TRAIP: variants seen among roughly 807,000 people sequenced by gnomAD.
TRAIP encodes the protein TRAF interacting protein.
Under a neutral mutation model 65.0 loss-of-function variants are expected in TRAIP, and 37 were observed. That is an observed-to-expected ratio of 0.57 (90% CI 0.44 to 0.75). TRAIP has a LOEUF of 0.75. Among genes scored for constraint, TRAIP ranks in the 30% least tolerant of loss-of-function variants. The pLI, the probability that TRAIP is intolerant of heterozygous loss-of-function variation, is 0.00. For missense variants in TRAIP, 481 were observed against 579.4 expected (o/e 0.83, Z 1.74); for synonymous variants, 187 against 219.1 (o/e 0.85, Z 1.29).
rs71080556 is a variant in TRAIP, at chr3:49,828,603, G to GT, written c.*499dup. On this transcript the variant is annotated 3_prime_UTR_variant, in exon 15 of 15. Transcript: ENST00000331456. ...CTCTCAGAACCAGGAAGAAGAGATT[G>GT]TTTTTTTTTTTTAATTTTATTTTAC... The GT allele has an allele frequency of 0.46, 68,696 of 150,474 alleles. 16,007 individuals carry two copies. Among genetic ancestry groups the GT allele is most frequent in the African/African-American group, 0.52 (20,989 of 40,622 alleles). 9.3% of individuals were successfully genotyped at this position (150,474 alleles called of 1,614,324 possible).
intron 10 of TRAIP, among the ~76,000 whole-genome samples, chr3:49,837,810 G>A (rs895529172): frequency 5.3e-5 from 8 of 151,846 alleles, no homozygotes; most frequent in African/African-American, 1.7e-4. Context: ...TCGAACTCCT[G>A]ACCTCAGGTG....
chr3:49,849,624 C>CA (rs899811318), intron 1 of TRAIP, among the ~76,000 whole-genome samples: 15 of 145,702 alleles, frequency 1.0e-4, no homozygotes, highest in South Asian at 8.7e-4. Flanking sequence ...GACTCCATCT[C>CA]AAAAAAAAAA....
At chr3:49,855,001 C>T (rs1290552700) in intron 1 of TRAIP, among the ~76,000 whole-genome samples, 1 of 152,028 alleles carries the variant, frequency 6.6e-6, no homozygotes, top group Admixed American at 6.5e-5. Flanking sequence ...GAGGTAGAGG[C>T]TGCAGTGAGC....
chr3:49,830,298 T>C (rs546465371), intron 11 of TRAIP, among the ~76,000 whole-genome samples: 26 of 152,250 alleles, frequency 1.7e-4, no homozygotes, highest in Admixed American at 8.5e-4. Context: ...GACTGGACCA[T>C]GTCCCAATCC....
At chr3:49,847,233 T>A (rs957354330) in intron 3 of TRAIP, among the ~76,000 whole-genome samples, 2 of 149,650 alleles carry the variant, frequency 1.3e-5, no homozygotes, top group Admixed American at 6.6e-5. Flanking sequence ...AATAAAAAAA[T>A]TAACCGAGCA....
intron 11 of TRAIP, among the ~76,000 whole-genome samples, chr3:49,830,740 G>T (rs2081723920): frequency 6.6e-6 from 1 of 152,170 alleles, no homozygotes; most frequent in African/African-American, 2.4e-5. Context: ...TTCCCTGGTG[G>T]GTGAGAAGAT....
chr3:49,836,385 G>A (rs2081786488), intron 10 of TRAIP, among the ~76,000 whole-genome samples: 1 of 151,966 alleles, frequency 6.6e-6, no homozygotes, highest in African/African-American at 2.4e-5. Flanking sequence ...CCAGCTACTG[G>A]GGAGGTTGAG....
rs778695510 is a variant in TRAIP at position 49,843,854 on chromosome 3, C to T, written c.355G>A (p.Val119Ile). 4 of 1,613,874 alleles carry T rather than the reference C, an allele frequency of 2.5e-6. No homozygotes were observed. The highest frequency in any genetic ancestry group is 2.2e-5 in the East Asian group (1 of 44,880). ...DTLEERNATV[V>I]SLQQALGKAE... Reference sequence around the variant, plus strand: ...TTGCCCAAGGCCTGCTGCAGAGATACCACAGTAGCATTGCGTTCTTCCAGC... The same window carrying T: ...TTGCCCAAGGCCTGCTGCAGAGATATCACAGTAGCATTGCGTTCTTCCAGC... Residue 119 changes from valine (V) to isoleucine (I), a missense_variant, in exon 5 of 15, where the codon GTA becomes ATA. Physicochemically the swap from Val to Ile is conservative, Grantham distance 29. Transcript: ENST00000331456.
At chr3:49,852,843 C>T (rs950173964) in intron 1 of TRAIP, among the ~76,000 whole-genome samples, 4 of 152,028 alleles carry the variant, frequency 2.6e-5, no homozygotes, top group South Asian at 2.1e-4. Flanking sequence ...GAAATTCGGC[C>T]AGGCACAATG....
At chr3:49,832,829 G>A (rs953062223) in intron 10 of TRAIP, among the ~76,000 whole-genome samples, 2 of 151,534 alleles carry the variant, frequency 1.3e-5, no homozygotes, top group Non-Finnish European at 2.9e-5. Context: ...GAGAACCCTG[G>A]GGAATGGCAA....
intron 10 of TRAIP, among the ~76,000 whole-genome samples, chr3:49,839,453 A>T (rs1300501811): frequency 6.6e-6 from 1 of 152,158 alleles, no homozygotes. Context: ...CAGTGGTTTC[A>T]TATTTGTTTC....
At chr3:49,847,269 C>T (rs1452330909) in intron 3 of TRAIP, among the ~76,000 whole-genome samples, 1 of 151,324 alleles carries the variant, frequency 6.6e-6, no homozygotes, top group African/African-American at 2.4e-5. Flanking sequence ...ACAGTCCTAG[C>T]TACTAGGTAG....
At position 49,840,115 on chromosome 3, in the gene TRAIP, A is replaced by G. The variant is rs551677111; in HGVS notation, c.795+169T>C. ...TGTCTGCCCTCTGTTGAGGAGGCCC[A>G]GGCTCCAGTCCGGACCAGGGCCAAG... On this transcript the variant is annotated intron_variant, in intron 9 of 14. Coordinates refer to ENST00000331456, the MANE Select transcript of TRAIP (RefSeq NM_005879.3). 7.5e-4 allele frequency among the ~76,000 whole-genome samples: 114 copies of G among 152,318 alleles called. 1 individual carries two copies. Among genetic ancestry groups the G allele is most frequent in the Non-Finnish European group, 8.1e-4 (55 of 68,024 alleles).
Position 49,844,563 on chromosome 3 carries a change from G to A in TRAIP, c.258C>T (p.Val86=), listed in dbSNP as rs1229641517. ...AEFLKNELDN[V]RAQLSQKDKE... ...CACCTTTCTGGGAAAGCTGGGCTCT[G>A]ACATTGTCCAGTTCATTCTGAAAGG... Residue 86 remains valine, a synonymous_variant, in exon 4 of 15, where the codon GTC becomes GTT. Coordinates refer to ENST00000331456, the MANE Select transcript of TRAIP (RefSeq NM_005879.3). The A allele has an allele frequency of 1.2e-6, 2 of 1,613,992 alleles. No individual in the cohort carries two copies. Among genetic ancestry groups the A allele is most frequent in the South Asian group, 2.2e-5 (2 of 91,042 alleles).
chr3:49,841,769 C>T lies in TRAIP; in HGVS notation c.617+57G>A, dbSNP rs939376. 6.0e-3 allele frequency: 8,583 copies of T among 1,422,202 alleles called. 364 individuals are homozygous for T. The African/African-American group carries it at 0.099, about 16-fold the overall frequency. The allele number at this position is 1,422,202 out of a possible 1,614,324, so 88.1% of individuals were successfully genotyped here. A position where few individuals can be genotyped will look rare whatever the true frequency, so the allele number is the denominator to read the frequency against. ...TTACAAGAGATGGGGAGCAATGACA[C>T]GGCTGGGGCCCCATGGCCTATCTCC... On this transcript the variant is annotated intron_variant, in intron 7 of 14. Transcript: ENST00000331456.
At chr3:49,834,793 A>G (rs777948976) in intron 10 of TRAIP, among the ~76,000 whole-genome samples, 4 of 152,234 alleles carry the variant, frequency 2.6e-5, no homozygotes, top group Non-Finnish European at 5.9e-5. Context: ...GAAAAAGTCC[A>G]TGGTGCACAA....
Position 49,856,400 on chromosome 3 carries a change from G to A in TRAIP, c.54C>T (p.Arg18=), listed in dbSNP as rs772808829. 1.9e-6 allele frequency: 3 copies of A among 1,614,182 alleles called. No homozygotes were observed. Among genetic ancestry groups the A allele is most frequent in the Non-Finnish European group, 2.5e-6 (3 of 1,180,026 alleles). The change falls in exon 1 of 15, where the codon CGC becomes CGT. Residue 18 remains arginine (R), a synonymous_variant. Transcript: ENST00000331456. ...TICSDFFDHS[R]DVAAIHCGHT... ...GGCCGCAGTGGATGGCGGCCACGTCGCGGGAGTGATCGAAGAAGTCGGAGC... is the reference window on the plus strand; with the variant it reads ...GGCCGCAGTGGATGGCGGCCACGTCACGGGAGTGATCGAAGAAGTCGGAGC...
chr3:49,855,528 C>T (rs914350349), intron 1 of TRAIP, among the ~76,000 whole-genome samples: 10 of 152,270 alleles, frequency 6.6e-5, no homozygotes, highest in Middle Eastern at 6.8e-3. Flanking sequence ...AAATAGAGTA[C>T]GCTTAGAGGC....
chr3:49,828,673 T>A lies in TRAIP; in HGVS notation c.*430A>T, dbSNP rs774619900. The stretch of plus-strand genomic sequence containing the variant: ...TCCATACATCCCATGCTATCCTCCA[T>A]TCCCCACCCTGCTTGGCCCAGGCTA... On this transcript the variant is annotated 3_prime_UTR_variant, in exon 15 of 15. Coordinates refer to ENST00000331456, the MANE Select transcript of TRAIP (RefSeq NM_005879.3). The A allele has an allele frequency of 1.1e-4, 20 of 188,068 alleles. No homozygotes were observed. The highest frequency in any genetic ancestry group is 1.4e-4 in the African/African-American group (6 of 43,434). 11.6% of individuals were successfully genotyped at this position (188,068 alleles called of 1,614,324 possible). A position where few individuals can be genotyped will look rare whatever the true frequency, so the allele number is the denominator to read the frequency against.
Sources: allele counts gnomAD v4.1 joint callset (sites outside exome capture counted in the v4.1 genomes callset), GRCh38; gene constraint gnomAD v4.1.1; transcripts MANE v1.5; gene names NCBI Gene and HGNC (gene_info 2026-07-23, HGNC 2026-07-21).